Variants in ZNF185 observed in about 807,000 individuals in gnomAD.
ZNF185 encodes the protein zinc finger protein 185 with LIM domain, also known as zinc finger protein 185.
A neutral mutation model predicts 58.6 loss-of-function variants in ZNF185; 56 were observed. That is an observed-to-expected ratio of 0.95 (90% confidence interval 0.77 to 1.19). The LOEUF (loss-of-function observed/expected upper bound fraction) is 1.19, where lower values mean the gene tolerates loss of function less well. ZNF185 is among the 50% of genes most tolerant of loss of function. ZNF185 has a pLI of 0.00. For missense variants in ZNF185, 627 were observed against 573.5 expected (o/e 1.09, Z -0.95); for synonymous variants, 230 against 215.9 (o/e 1.07, Z -0.57).
chrX:152,970,587 A>G, intron 22 of ZNF185, 46 bp downstream of exon 24: 1 of 1,111,760 alleles, frequency 9.0e-7, no homozygotes, highest in Non-Finnish European at 1.2e-6. Flanking sequence ...AGACTCATTA[A>G]GGAGTAGAGA....
chrX:152,955,854 A>G (rs1185351909), intron 16 of ZNF185, among the ~76,000 whole-genome samples: 1 of 109,709 alleles, frequency 9.1e-6, no homozygotes, highest in African/African-American at 3.3e-5. Context: ...GTGAGCCAAG[A>G]TCACGCCACT....
chrX:152,958,935 G>C (rs1556907321), intron 16 of ZNF185, among the ~76,000 whole-genome samples: 1 of 112,194 alleles, frequency 8.9e-6, no homozygotes, highest in African/African-American at 3.2e-5. Flanking sequence ...TGCGCGTGCC[G>C]CCATTTCCTG....
At chrX:152,923,052 C>G (rs913056982) in intron 11 of ZNF185, among the ~76,000 whole-genome samples, 6 of 112,535 alleles carry the variant, frequency 5.3e-5, no homozygotes, top group African/African-American at 1.9e-4. Flanking sequence ...GTACTTTGTG[C>G]AGAATGGTGC....
Position 152,970,356 on chromosome X carries a change from C to T in ZNF185, c.1975-87C>T, listed in dbSNP as rs782457323. The T allele has an allele frequency of 2.1e-5, 18 of 875,611 alleles. No individual in the cohort carries two copies. In the South Asian group the frequency reaches 3.5e-4, roughly 17 times the overall value. The allele number at this position is 875,611 out of a possible 1,213,427, so 72.2% of individuals were successfully genotyped here. A position where few individuals can be genotyped will look rare whatever the true frequency, so the allele number is the denominator to read the frequency against. On this transcript the variant is annotated intron_variant, in intron 21 of 22. Coordinates refer to ENST00000449285, the Ensembl canonical transcript of ZNF185. ...CCACGGGCTCACAGCATCTGCTCGCCCACCTTGTTCAGGCATCCCCTTCCC... is the reference window on the plus strand; with the variant it reads ...CCACGGGCTCACAGCATCTGCTCGCTCACCTTGTTCAGGCATCCCCTTCCC...
intron 3 of ZNF185, among the ~76,000 whole-genome samples, chrX:152,916,067 T>C (rs891343366): frequency 8.9e-6 from 1 of 111,922 alleles, no homozygotes; most frequent in African/African-American, 3.2e-5. Context: ...AAAGGCCCTG[T>C]CTTTGGGCAA....
intron 15 of ZNF185, among the ~76,000 whole-genome samples, chrX:152,943,009 A>G (rs1343406943): frequency 9.0e-6 from 1 of 111,567 alleles, no homozygotes; most frequent in Non-Finnish European, 1.9e-5. Context: ...TATCTCATAT[A>G]TATATGTTTT....
intron 16 of ZNF185, among the ~76,000 whole-genome samples, chrX:152,949,909 C>T (rs1417920605): frequency 8.9e-6 from 1 of 111,787 alleles, no homozygotes; most frequent in Non-Finnish European, 1.9e-5. Context: ...ACGTATGACC[C>T]AGCACGAGAG....
chrX:152,928,614 A>T, exon 12 of ZNF185: 7 of 1,211,651 alleles, frequency 5.8e-6, no homozygotes, highest in Non-Finnish European at 6.7e-6. Context: ...AGATCCTGAC[A>T]CCCAGGGCAG....
intron 16 of ZNF185, among the ~76,000 whole-genome samples, chrX:152,950,921 T>A (rs2048237586): frequency 8.9e-6 from 1 of 111,776 alleles, no homozygotes; most frequent in Admixed American, 9.5e-5. Flanking sequence ...CCTTTAAAAT[T>A]GAAAAGACTT....
chrX:152,915,171 C>T (rs782648814), exon 3 of ZNF185: 1 of 1,209,067 alleles, frequency 8.3e-7, no homozygotes, highest in African/African-American at 1.7e-5. Flanking sequence ...GCGCCACATC[C>T]TTTTCATCAG....
chrX:152,940,352 G>T (rs1251708496), intron 15 of ZNF185, among the ~76,000 whole-genome samples: 1 of 101,641 alleles, frequency 9.8e-6, no homozygotes, highest in Non-Finnish European at 2.0e-5. Flanking sequence ...ACATTAGTTA[G>T]GTCCAGAAAG....
chrX:152,948,896 GT>G (rs1193830950), intron 16 of ZNF185, among the ~76,000 whole-genome samples: 1 of 112,029 alleles, frequency 8.9e-6, no homozygotes, highest in Non-Finnish European at 1.9e-5. Flanking sequence ...TCCAGTGGCA[GT>G]GAGAAGAGTG....
At chrX:152,936,200 T>C (rs1001112732) in intron 14 of ZNF185, among the ~76,000 whole-genome samples, 2 of 112,722 alleles carry the variant, frequency 1.8e-5, no homozygotes, top group African/African-American at 6.5e-5. Flanking sequence ...AGCTGGGAGA[T>C]AGCAAAGCCA....
intron 11 of ZNF185, among the ~76,000 whole-genome samples, chrX:152,925,432 G>A (rs781973621): frequency 2.7e-5 from 3 of 112,772 alleles, no homozygotes; most frequent in South Asian, 3.7e-4. Context: ...TCATATGGTT[G>A]TCATTGCAAG....
exon 2 of ZNF185, chrX:152,914,722 C>T: frequency 2.5e-6 from 3 of 1,199,663 alleles, no homozygotes; most frequent in Non-Finnish European, 3.4e-6. Flanking sequence ...AAGCCTCTGC[C>T]ACCAGGCGAG....
the ZNF185 span, among the ~76,000 whole-genome samples, chrX:152,907,215 C>T: frequency 8.9e-6 from 1 of 112,245 alleles, no homozygotes; most frequent in Admixed American, 9.4e-5. Flanking sequence ...TGCCTGCTGC[C>T]GCCCCCGCTC....
chrX:152,911,795 A>C (rs1603115517), upstream of ZNF185, among the ~76,000 whole-genome samples: 1 of 41,149 alleles, frequency 2.4e-5, no homozygotes, highest in Non-Finnish European at 4.4e-5. Flanking sequence ...ATCCCATCCC[A>C]TCCATCCCAT....
At chrX:152,917,017 C>T in intron 3 of ZNF185, 114 bp from the exon 5 acceptor site, 4 of 1,052,672 alleles carry the variant, frequency 3.8e-6, no homozygotes, top group Non-Finnish European at 5.3e-6. Context: ...TACTGGGACA[C>T]CTGGAGCACT....
chrX:152,955,377 G>A (rs1556903891), intron 16 of ZNF185, among the ~76,000 whole-genome samples: 1 of 112,273 alleles, frequency 8.9e-6, no homozygotes, highest in East Asian at 2.8e-4. Context: ...GAGGACAGTG[G>A]GTTTTGTAAG....
Sources: gnomAD v4.1 joint callset for allele counts (sites outside exome capture counted in the v4.1 genomes callset) on GRCh38, gnomAD v4.1.1 for gene constraint, MANE v1.5 for transcripts, NCBI Gene and HGNC (gene_info 2026-07-23, HGNC 2026-07-21) for gene names.